OPRL1: variants seen among roughly 807,000 people sequenced by gnomAD.
OPRL1 encodes the protein opioid related nociceptin receptor 1, also known as nociceptin receptor.
OPRL1 carries 5 observed loss-of-function variants against 15.5 expected under a neutral mutation model. The observed-to-expected ratio is 0.32, with a 90% CI of 0.17 to 0.68. OPRL1 has a LOEUF of 0.68. Ranked by LOEUF, OPRL1 falls within the 30% of genes least tolerant of loss-of-function variation. The probability of loss-of-function intolerance (pLI) is 0.72; values close to 1 mark genes in which losing one functional copy is unlikely to be tolerated. For missense variants in OPRL1, 406 were observed against 515.3 expected (o/e 0.79, Z 2.05); for synonymous variants, 223 against 230.2 (o/e 0.97, Z 0.28).
At position 64,090,042 on chromosome 20, in the gene OPRL1, G is replaced by A. The variant is rs958062848; in HGVS notation, c.-184-1924G>A. Among the ~76,000 whole-genome samples, 1 of 152,192 alleles carries A rather than the reference G, an allele frequency of 6.6e-6. No individual in the cohort carries two copies. Among genetic ancestry groups the A allele is most frequent in the Non-Finnish European group, 1.5e-5 (1 of 68,026 alleles). On this transcript the variant is annotated intron_variant, in intron 1 of 4. Transcript: ENST00000336866. This position sits in a 1 kb window ranked among gnomAD's most constrained non-coding sequence, Gnocchi z 4.9. ...TGCATGTGTGTGTCCTCTGGGTGTC[G>A]GAGGGCCTTGGTCTGTGTCTGCCTG... is the stretch of plus-strand genomic sequence containing the variant.
chr20:64,083,919 C>G lies in OPRL1; in HGVS notation c.-185+3567C>G, dbSNP rs1245000499. 11 of 1,451,070 alleles carry G rather than the reference C, an allele frequency of 7.6e-6. No individual in the cohort carries two copies. Among genetic ancestry groups the G allele is most frequent in the Non-Finnish European group, 8.1e-6 (9 of 1,107,078 alleles). 89.9% of individuals were successfully genotyped at this position (1,451,070 alleles called of 1,614,324 possible). A position where few individuals can be genotyped will look rare whatever the true frequency, so the allele number is the denominator to read the frequency against. ...CGGTTCTGGCGCTCGGCGGGCAGCT[C>G]GAGCGACTGCGTCCACGGGCGCGGG... On this transcript the variant is annotated intron_variant, in intron 1 of 4. Coordinates refer to ENST00000336866, the MANE Select transcript of OPRL1 (RefSeq NM_182647.4). This position sits in a 1 kb window ranked among gnomAD's most constrained non-coding sequence, Gnocchi z 4.9.
chr20:64,083,891 A>AGCC lies in OPRL1; in HGVS notation c.-185+3541_-185+3543dup. 1 of 1,442,774 alleles carries AGCC rather than the reference A, an allele frequency of 6.9e-7. No homozygotes were observed. The highest frequency in any genetic ancestry group is 9.1e-7 in the Non-Finnish European group (1 of 1,104,374). The allele number at this position is 1,442,774 out of a possible 1,614,324, so 89.4% of individuals were successfully genotyped here. ...CTCCGCTGCCTTGAGGACGCCGAGG[A>AGCC]GCCGGTTCTGGCGCTCGGCGGGCAG... On this transcript the variant is annotated intron_variant, in intron 1 of 4. Coordinates refer to ENST00000336866, the MANE Select transcript of OPRL1 (RefSeq NM_182647.4). The surrounding 1 kb of genome is among the most constrained non-coding windows in gnomAD (Gnocchi z 4.9).
At chr20:64,080,708 T>G (rs75622848) in intron 1 of OPRL1, among the ~76,000 whole-genome samples, 2,692 of 152,132 alleles carry the variant, frequency 0.018, 69 homozygotes, top group African/African-American at 0.06. Context: ...TGTGTCAGGG[T>G]GGCCCTGACC....
rs145840163 is a variant in OPRL1 at position 64,098,712 on chromosome 20, C to A, written c.1026C>A (p.Asp342Glu). The change falls in exon 5 of 5, where the codon GAC becomes GAA. Residue 342 changes from aspartate to glutamate, a missense_variant. Coordinates refer to ENST00000336866, the MANE Select transcript of OPRL1 (RefSeq NM_182647.4). ...GCTGTGCATCTGCCCTGCGCCGGGA[C>A]GTGCAGGTGTCTGACCGCGTGCGCA... ...KFCCASALRR[D>E]VQVSDRVRSI... 4 of 1,612,530 alleles carry A rather than the reference C, an allele frequency of 2.5e-6. No individual in the cohort carries two copies. Among genetic ancestry groups the A allele is most frequent in the Non-Finnish European group, 3.4e-6 (4 of 1,179,980 alleles).
Position 64,097,894 on chromosome 20 carries a change from C to T in OPRL1, c.326C>T (p.Thr109Met), listed in dbSNP as rs375054816. The change falls in exon 4 of 5, where the codon ACG becomes ATG. Residue 109 changes from threonine (T) to methionine (M), a missense_variant. Transcript: ENST00000336866. The surrounding 1 kb of genome is among the most constrained non-coding windows in gnomAD (Gnocchi z 4.2). ...CTGCTGACGCTGCCCTTCCAGGGCA[C>T]GGACATCCTCCTGGGCTTCTGGCCG... Reference protein sequence around the residue: ...LVLLTLPFQGTDILLGFWPFG... With the variant: ...LVLLTLPFQGMDILLGFWPFG... 188 of 1,613,538 alleles carry T rather than the reference C, an allele frequency of 1.2e-4. No homozygotes were observed. The highest frequency in any genetic ancestry group is 1.9e-4 in the African/African-American group (14 of 74,938).
chr20:64,081,148 G>T (rs988247443), intron 1 of OPRL1, among the ~76,000 whole-genome samples: 2 of 152,024 alleles, frequency 1.3e-5, no homozygotes, highest in African/African-American at 4.8e-5. Flanking sequence ...CCCGAAGGGG[G>T]AGGTCAGAGG....
Position 64,100,102 on chromosome 20 carries a change from C to CG in OPRL1, c.*1308dup, listed in dbSNP as rs1458150608. On this transcript the variant is annotated 3_prime_UTR_variant, in exon 5 of 5. Transcript: ENST00000336866. ...GGCTGTGGTGGCTGTGAGGACACTG[C>CG]GGGGGTTGGGGGGGGGGCGTCTGTA... The CG allele has an allele frequency of 1.9e-5, 2 of 103,876 alleles. No individual in the cohort carries two copies. Among genetic ancestry groups the CG allele is most frequent in the African/African-American group, 9.7e-5 (2 of 20,634 alleles). 6.4% of individuals were successfully genotyped at this position (103,876 alleles called of 1,614,324 possible). A position where few individuals can be genotyped will look rare whatever the true frequency, so the allele number is the denominator to read the frequency against.
At chr20:64,084,335 C>G in intron 1 of OPRL1, 1 of 1,288,784 alleles carries the variant, frequency 7.8e-7, no homozygotes, top group Non-Finnish European at 9.8e-7. Flanking sequence ...GCTGGGCTCT[C>G]CGCAGTCGGT....
intron 1 of OPRL1, among the ~76,000 whole-genome samples, chr20:64,087,131 G>A (rs972399958): frequency 2.6e-5 from 4 of 151,486 alleles, no homozygotes; most frequent in Non-Finnish European, 4.4e-5. Context: ...GCGTGTCATC[G>A]TTCGTGTCTT....
chr20:64,091,554 G>A (rs578196321), intron 1 of OPRL1, among the ~76,000 whole-genome samples: 13 of 152,310 alleles, frequency 8.5e-5, no homozygotes, highest in Admixed American at 2.0e-4. Context: ...TGTTTACGAC[G>A]AAGCTTTGAT....
chr20:64,098,304 C>T lies in OPRL1; in HGVS notation c.618C>T (p.Thr206=), dbSNP rs1426436217. ...TCGAGTGCCTGGTGGAGATCCCTAC[C>T]CCTCAGGATTACTGGGGCCCGGTGT... ...EEIECLVEIP[T]PQDYWGPVFA... The change falls in exon 5 of 5, where the codon ACC becomes ACT. Residue 206 remains threonine (T), a synonymous_variant. Coordinates refer to ENST00000336866, the MANE Select transcript of OPRL1 (RefSeq NM_182647.4). The T allele has an allele frequency of 2.5e-6, 4 of 1,613,874 alleles. No homozygotes were observed. The highest frequency in any genetic ancestry group is 1.7e-6 in the Non-Finnish European group (2 of 1,179,950).
At chr20:64,093,092 A>C (rs1330578309) in intron 3 of OPRL1, 139 bp downstream of exon 3, 19 of 802,798 alleles carry the variant, frequency 2.4e-5, no homozygotes, top group Non-Finnish European at 3.7e-5. Context: ...GACCCTGTCC[A>C]GGAGGCAGGG....
chr20:64,086,716 T>C (rs1324523341), intron 1 of OPRL1: 1 of 180,638 alleles, frequency 5.5e-6, no homozygotes, highest in Non-Finnish European at 1.2e-5. Context: ...AAGTAATTTA[T>C]TTTGATGAAA....
At chr20:64,081,107 A>C (rs540099273) in intron 1 of OPRL1, among the ~76,000 whole-genome samples, 1 of 50,296 alleles carries the variant, frequency 2.0e-5, no homozygotes, top group Admixed American at 2.4e-4. Flanking sequence ...TGAGGAGGGG[A>C]GGGTATTGCG....
chr20:64,098,248 C>T lies in OPRL1; in HGVS notation c.590-28C>T, dbSNP rs780688616. 3 of 1,605,262 alleles carry T rather than the reference C, an allele frequency of 1.9e-6. No homozygotes were observed. The South Asian group carries it at 3.3e-5, about 18-fold the overall frequency. On this transcript the variant is annotated intron_variant, in intron 4 of 4. Transcript: ENST00000336866. ...ACGTGCCCTCCACGTCTCCTGGGCC[C>T]ACTCTGACCCCGTTTCTCTCCCTGC...
chr20:64,098,245 G>T, intron 4 of OPRL1, 31 bp from the exon 5 acceptor site: 8 of 1,604,860 alleles, frequency 5.0e-6, no homozygotes, highest in Non-Finnish European at 6.8e-6. Context: ...CGTCTCCTGG[G>T]CCCACTCTGA....
At chr20:64,084,760 C>T (rs757235840) in intron 1 of OPRL1, among the ~76,000 whole-genome samples, 3 of 152,184 alleles carry the variant, frequency 2.0e-5, no homozygotes, top group Admixed American at 6.5e-5. Context: ...CCTCCCTTCC[C>T]GGCCCCAGCC....
At chr20:64,088,891 GAGT>G (rs2060090897) in intron 1 of OPRL1, among the ~76,000 whole-genome samples, 3 of 151,354 alleles carry the variant, frequency 2.0e-5, no homozygotes, top group Non-Finnish European at 3.0e-5. Flanking sequence ...GGTCTGTGCA[GAGT>G]GGCCAGGGTC....
chr20:64,082,532 G>A (rs1326044847), intron 1 of OPRL1, among the ~76,000 whole-genome samples: 1 of 152,220 alleles, frequency 6.6e-6, no homozygotes, highest in Non-Finnish European at 1.5e-5. Flanking sequence ...CTTCCAGTCA[G>A]CTGGAGCCCC....
Sources: allele counts gnomAD v4.1 joint callset (sites outside exome capture counted in the v4.1 genomes callset), GRCh38; gene constraint gnomAD v4.1.1; non-coding constraint Gnocchi (gnomAD v3.1); transcripts MANE v1.5; gene names NCBI Gene and HGNC (gene_info 2026-07-23, HGNC 2026-07-21).